RIC1: variants seen among roughly 807,000 people sequenced by gnomAD.
RIC1 encodes the protein RIC1 partner of RAB6A GEF complex, also known as guanine nucleotide exchange factor subunit RIC1.
RIC1 carries 88 observed loss-of-function variants against 169.0 expected under a neutral mutation model. The observed-to-expected ratio is 0.52, with a 90% CI of 0.44 to 0.62. The LOEUF (loss-of-function observed/expected upper bound fraction) is 0.62, where lower values mean the gene tolerates loss of function less well. RIC1 is among the 20% of genes least tolerant of loss of function. The pLI is 0.00. For missense variants in RIC1, 1,877 were observed against 1,725.5 expected, an observed-to-expected ratio of 1.09 and a Z score of -1.56; for synonymous variants, 790 against 601.5, an observed-to-expected ratio of 1.31 and a Z score of -4.59.
intron 9 of RIC1, 53 bp downstream of exon 9, chr9:5,743,066 T>C (rs897063218): frequency 9.7e-5 from 149 of 1,532,938 alleles, no homozygotes; most frequent in Non-Finnish European, 1.3e-4. Flanking sequence ...TTTCTCACAA[T>C]GCATGCATAC....
At chr9:5,643,047 C>G (rs1415728167) in intron 1 of RIC1, among the ~76,000 whole-genome samples, 1 of 152,070 alleles carries the variant, frequency 6.6e-6, no homozygotes, top group Non-Finnish European at 1.5e-5. Context: ...CACCTGTAAC[C>G]TCAGCACTTT....
chr9:5,722,907 A>C (rs1179279010), intron 6 of RIC1, among the ~76,000 whole-genome samples: 1 of 152,210 alleles, frequency 6.6e-6, no homozygotes, highest in Non-Finnish European at 1.5e-5. Context: ...TTATGGCTGC[A>C]TAGTATTCCA....
At chr9:5,711,682 C>A (rs147479057) in intron 3 of RIC1, among the ~76,000 whole-genome samples, 2 of 151,978 alleles carry the variant, frequency 1.3e-5, no homozygotes, top group Non-Finnish European at 2.9e-5. Flanking sequence ...CCCATTAACT[C>A]GTCATTTACA....
At chr9:5,651,663 A>C (rs1818808511) in intron 1 of RIC1, among the ~76,000 whole-genome samples, 1 of 148,374 alleles carries the variant, frequency 6.7e-6, no homozygotes, top group Admixed American at 6.9e-5. Flanking sequence ...TCCTGGGTTC[A>C]AGTGATTCTC....
At chr9:5,716,584 G>T (rs1436885035) in intron 4 of RIC1, among the ~76,000 whole-genome samples, 1 of 152,216 alleles carries the variant, frequency 6.6e-6, no homozygotes, top group East Asian at 1.9e-4. Context: ...CTGCACTCCA[G>T]CCAGGGCAAC....
At chr9:5,778,091 A>G (rs923126261), downstream of RIC1, among the ~76,000 whole-genome samples, 10 of 152,162 alleles carry the variant, frequency 6.6e-5, no homozygotes, top group Non-Finnish European at 1.5e-4. Context: ...TGAACATGAG[A>G]TGTCTTTCCA....
intron 3 of RIC1, among the ~76,000 whole-genome samples, chr9:5,707,466 T>C (rs573802158): frequency 6.6e-6 from 1 of 152,202 alleles, no homozygotes; most frequent in East Asian, 1.9e-4. Flanking sequence ...GAAAGTGGGG[T>C]ATTGAAGTCT....
intron 17 of RIC1, among the ~76,000 whole-genome samples, chr9:5,760,612 C>G (rs186398540): frequency 1.3e-5 from 2 of 152,304 alleles, no homozygotes; most frequent in Admixed American, 1.3e-4. Flanking sequence ...CCTCTGCCAT[C>G]TAGCTACATT....
At chr9:5,700,459 G>C (rs1043108512) in intron 3 of RIC1, among the ~76,000 whole-genome samples, 27 of 151,934 alleles carry the variant, frequency 1.8e-4, no homozygotes, top group Non-Finnish European at 2.9e-4. Context: ...AATAACTGTA[G>C]CTCAAACTTT....
At chr9:5,711,963 T>C (rs1822956650) in intron 3 of RIC1, among the ~76,000 whole-genome samples, 1 of 152,114 alleles carries the variant, frequency 6.6e-6, no homozygotes, top group Admixed American at 6.5e-5. Flanking sequence ...ATTTTCTTAA[T>C]CCAGTCTATC....
rs117320126 is a variant in RIC1, at chr9:5,635,840, G to A, written c.144+6387G>A. Among the ~76,000 whole-genome samples, 906 of 152,244 alleles carry A rather than the reference G, an allele frequency of 6.0e-3. 6 individuals are homozygous for A. Among genetic ancestry groups the A allele is most frequent in the Non-Finnish European group, 9.5e-3 (646 of 68,008 alleles). On this transcript the variant is annotated intron_variant, in intron 1 of 25. Coordinates refer to ENST00000414202, the MANE Select transcript of RIC1 (RefSeq NM_020829.4). ...TCTTGCCTGCCAGCATGTAACAAGTGCCTGCTTCCCCTTCTGCCATGATTG... is the reference window on the plus strand; with the variant it reads ...TCTTGCCTGCCAGCATGTAACAAGTACCTGCTTCCCCTTCTGCCATGATTG...
chr9:5,732,532 GTT>G (rs34688720), intron 7 of RIC1, 53 bp downstream of exon 7: 20,788 of 917,240 alleles, frequency 0.023, 296 homozygotes, highest in Non-Finnish European at 0.027. Context: ...AAAAATACTG[GTT>G]TTTTTTTTTG....
chr9:5,722,348 A>AGAGTGTGTGTGTGT (rs374028302), intron 6 of RIC1, among the ~76,000 whole-genome samples: 9 of 131,336 alleles, frequency 6.9e-5, no homozygotes, highest in African/African-American at 2.6e-4. Flanking sequence ...AGAGAGAGAG[A>AGAGTGTGTGTGTGT]GTGTGTGTGT....
intron 6 of RIC1, among the ~76,000 whole-genome samples, chr9:5,724,179 TC>T (rs1823802847): frequency 6.6e-6 from 1 of 152,246 alleles, no homozygotes; most frequent in Non-Finnish European, 1.5e-5. Context: ...TATTGATTCT[TC>T]CTATCCATGA....
intron 21 of RIC1, among the ~76,000 whole-genome samples, chr9:5,767,002 T>C (rs1181860008): frequency 1.3e-5 from 2 of 152,196 alleles, no homozygotes; most frequent in Non-Finnish European, 2.9e-5. Flanking sequence ...CATGCCAACA[T>C]CTACTGTTTT....
At position 5,763,448 on chromosome 9, in the gene RIC1, T is replaced by C; in HGVS notation, c.2421T>C (p.Ala807=). The change falls in exon 19 of 26, where the codon GCT becomes GCC. Residue 807 remains alanine (A), a synonymous_variant. Transcript: ENST00000414202. The surrounding 1 kb of genome is among the most constrained non-coding windows in gnomAD (Gnocchi z 5.2). ...ATTCTTTATATACTCGGAACAATGC[T>C]AGAGAACAGCTGGAGGTGCTCTTCC... ...LYDSLYTRNN[A]REQLEVLFPF... is the part of the protein sequence containing the mutation. The C allele has an allele frequency of 6.2e-7, 1 of 1,614,210 alleles. No homozygotes were observed. Among genetic ancestry groups the C allele is most frequent in the Non-Finnish European group, 8.5e-7 (1 of 1,180,022 alleles).
chr9:5,701,453 C>A (rs2483292), intron 3 of RIC1, among the ~76,000 whole-genome samples: 53,782 of 151,782 alleles, frequency 0.35, 13,058 homozygotes, highest in African/African-American at 0.7. Context: ...TCTCTACTAA[C>A]AATACAAAAA....
At chr9:5,722,973 T>G (rs1823704322) in intron 6 of RIC1, among the ~76,000 whole-genome samples, 1 of 152,266 alleles carries the variant, frequency 6.6e-6, no homozygotes, top group African/African-American at 2.4e-5. Flanking sequence ...GACACTGGGC[T>G]TGGTACCAAG....
downstream of RIC1, among the ~76,000 whole-genome samples, chr9:5,777,711 C>T (rs984336109): frequency 4.6e-5 from 7 of 152,074 alleles, no homozygotes; most frequent in East Asian, 3.8e-4. Context: ...GTTCTTCTAA[C>T]GTGGCTATTC....
Sources: gnomAD v4.1 joint callset for allele counts (sites outside exome capture counted in the v4.1 genomes callset) on GRCh38, gnomAD v4.1.1 for gene constraint, Gnocchi (gnomAD v3.1) non-coding constraint, MANE v1.5 for transcripts, NCBI Gene and HGNC (gene_info 2026-07-23, HGNC 2026-07-21) for gene names.